NSL1: variants seen among roughly 807,000 people sequenced by gnomAD.
The protein encoded by NSL1 is kinetochore-associated protein NSL1 homolog.
A neutral mutation model predicts 25.4 loss-of-function variants in NSL1; 11 were observed. That is an observed-to-expected ratio of 0.43 (90% CI 0.27 to 0.72). The LOEUF is 0.72. Among genes scored for constraint, NSL1 ranks in the 30% least tolerant of loss-of-function variants. The pLI is 0.19. For missense variants in NSL1, 330 were observed against 342.7 expected, an observed-to-expected ratio of 0.96 and a Z score of 0.29; for synonymous variants, 118 against 120.6, an observed-to-expected ratio of 0.98 and a Z score of 0.14.
intron 4 of NSL1, among the ~76,000 whole-genome samples, chr1:212,740,272 T>C (rs1262578829): frequency 2.0e-5 from 3 of 152,212 alleles, no homozygotes; most frequent in African/African-American, 7.2e-5. Context: ...GAGGGCCACA[T>C]TTTCACTGGC....
chr1:212,732,540 T>G lies in NSL1; in HGVS notation c.*5868A>C. 1 of 760,122 alleles carries G rather than the reference T, an allele frequency of 1.3e-6. No individual in the cohort carries two copies. Among genetic ancestry groups the G allele is most frequent in the Non-Finnish European group, 1.6e-6 (1 of 624,108 alleles). 47.1% of individuals were successfully genotyped at this position (760,122 alleles called of 1,614,324 possible). ...AATTCCCAGCCTCAGGTGATCTGCC[T>G]GTCTCGGCCTCCCAAGGTGCTGGGA... On this transcript the variant is annotated 3_prime_UTR_variant, in exon 6 of 6. Coordinates refer to ENST00000366977, the MANE Select transcript of NSL1 (RefSeq NM_015471.4).
intron 1 of NSL1, among the ~76,000 whole-genome samples, chr1:212,788,287 C>T (rs996991551): frequency 2.0e-5 from 3 of 152,182 alleles, no homozygotes; most frequent in African/African-American, 7.2e-5. Flanking sequence ...GTGGCACATG[C>T]CTGTAGTCCC....
At chr1:212,755,991 T>C (rs55787749) in intron 4 of NSL1, among the ~76,000 whole-genome samples, 2,407 of 152,324 alleles carry the variant, frequency 0.016, 57 homozygotes, top group African/African-American at 0.052. Context: ...TGCATATTTA[T>C]TCCTGTAACA....
chr1:212,754,899 T>A (rs1165129370), intron 4 of NSL1, among the ~76,000 whole-genome samples: 1 of 151,336 alleles, frequency 6.6e-6, no homozygotes, highest in African/African-American at 2.4e-5. Flanking sequence ...CCTGGACCAA[T>A]CTCCAGTGTC....
intron 4 of NSL1, among the ~76,000 whole-genome samples, chr1:212,758,946 T>C (rs1029056141): frequency 1.3e-5 from 2 of 152,190 alleles, no homozygotes; most frequent in Admixed American, 6.5e-5. Context: ...CAAAGATCAA[T>C]GAAACAGAAT....
rs1658167941 is a variant in NSL1, at chr1:212,734,750, A to G, written c.*3658T>C. ...TGATTATTTGCCTAAAACATTCAAGACTGCTCAAATGCCACCTCTTCTACA... is the reference window on the plus strand; with the variant it reads ...TGATTATTTGCCTAAAACATTCAAGGCTGCTCAAATGCCACCTCTTCTACA... On this transcript the variant is annotated 3_prime_UTR_variant, in exon 6 of 6. Transcript: ENST00000366977. Among the ~76,000 whole-genome samples, 2 of 152,174 alleles carry G rather than the reference A, an allele frequency of 1.3e-5. No individual in the cohort carries two copies. Among genetic ancestry groups the G allele is most frequent in the East Asian group, 3.8e-4 (2 of 5,200 alleles).
Position 212,729,241 on chromosome 1 carries a change from T to A in NSL1, c.*9167A>T. 1 of 985,446 alleles carries A rather than the reference T, an allele frequency of 1.0e-6. No individual in the cohort carries two copies. Among genetic ancestry groups the A allele is most frequent in the Non-Finnish European group, 1.2e-6 (1 of 829,936 alleles). 61.0% of individuals were successfully genotyped at this position (985,446 alleles called of 1,614,324 possible). ...TCCCTCTAGGAGCAGAAGTGCAGGT[T>A]TGCTTGGGCTCCTAGCCTCTCCCTC... On this transcript the variant is annotated 3_prime_UTR_variant, in exon 6 of 6. Coordinates refer to ENST00000366977, the MANE Select transcript of NSL1 (RefSeq NM_015471.4).
intron 4 of NSL1, among the ~76,000 whole-genome samples, chr1:212,747,624 C>G (rs1463854229): frequency 3.9e-5 from 6 of 152,176 alleles, no homozygotes; most frequent in Non-Finnish European, 8.8e-5. Flanking sequence ...AGAGATAACA[C>G]ATTTATTGTT....
intron 4 of NSL1, among the ~76,000 whole-genome samples, chr1:212,764,718 C>A (rs747536550): frequency 2.6e-5 from 4 of 151,254 alleles, no homozygotes; most frequent in African/African-American, 4.9e-5. Context: ...TGGTGGCAGG[C>A]GCCTGTAATC....
At position 212,762,594 on chromosome 1, in the gene NSL1, T is replaced by C. The variant is rs769152528; in HGVS notation, c.499+19778A>G. The stretch of plus-strand genomic sequence containing the variant: ...AAACCCTCTGAAAGAAGCAGCAGGC[T>C]GGAGCCTACTGCATGAGACAGGTGA... On this transcript the variant is annotated intron_variant, in intron 4 of 5. Coordinates refer to ENST00000366977, the MANE Select transcript of NSL1 (RefSeq NM_015471.4). Among the ~76,000 whole-genome samples, 133 of 152,244 alleles carry C rather than the reference T, an allele frequency of 8.7e-4. 1 individual carries two copies. Among genetic ancestry groups the C allele is most frequent in the Non-Finnish European group, 1.6e-3 (108 of 68,020 alleles).
intron 4 of NSL1, among the ~76,000 whole-genome samples, chr1:212,761,357 C>T (rs1260979682): frequency 6.6e-6 from 1 of 152,162 alleles, no homozygotes; most frequent in East Asian, 1.9e-4. Context: ...CGAGACCAGC[C>T]TGGGCAACGT....
chr1:212,747,243 A>G (rs1428310847), intron 4 of NSL1, among the ~76,000 whole-genome samples: 10 of 152,202 alleles, frequency 6.6e-5, no homozygotes, highest in Non-Finnish European at 1.5e-4. Context: ...ACCAGTAACT[A>G]ACAGCTCAAG....
Position 212,728,594 on chromosome 1 carries a change from G to A in NSL1, c.*9814C>T. 1 of 985,426 alleles carries A rather than the reference G, an allele frequency of 1.0e-6. No homozygotes were observed. The highest frequency in any genetic ancestry group is 1.7e-5 in the African/African-American group (1 of 57,356). The allele number at this position is 985,426 out of a possible 1,614,324, so 61.0% of individuals were successfully genotyped here. A position where few individuals can be genotyped will look rare whatever the true frequency, so the allele number is the denominator to read the frequency against. ...ATAGAAATGAGAAAAGGAGTTTTAT[G>A]TTAGGAAAAAAATGGTTTCTGAGAA... On this transcript the variant is annotated 3_prime_UTR_variant, in exon 6 of 6. Transcript: ENST00000366977.
At chr1:212,769,157 T>C (rs1436326856) in intron 4 of NSL1, among the ~76,000 whole-genome samples, 2 of 151,736 alleles carry the variant, frequency 1.3e-5, no homozygotes, top group East Asian at 1.9e-4. Flanking sequence ...TTGGGTGTTG[T>C]AGAGGGAGAA....
chr1:212,791,166 C>A (rs1161137498), intron 1 of NSL1, among the ~76,000 whole-genome samples: 1 of 152,024 alleles, frequency 6.6e-6, no homozygotes, highest in Non-Finnish European at 1.5e-5. Flanking sequence ...TTAGTACGAA[C>A]AAAAGAATGT....
rs1658247326 is a variant in NSL1, at chr1:212,736,733, G to A, written c.*1675C>T. 1 of 984,252 alleles carries A rather than the reference G, an allele frequency of 1.0e-6. No individual in the cohort carries two copies. Among genetic ancestry groups the A allele is most frequent in the African/African-American group, 1.7e-5 (1 of 57,312 alleles). 61.0% of individuals were successfully genotyped at this position (984,252 alleles called of 1,614,324 possible). ...TTATAAAAATTTCCAACACAAAGTA[G>A]AATATAGTCATTACACAGATTCAAC... On this transcript the variant is annotated 3_prime_UTR_variant, in exon 6 of 6. Coordinates refer to ENST00000366977, the MANE Select transcript of NSL1 (RefSeq NM_015471.4).
intron 4 of NSL1, among the ~76,000 whole-genome samples, chr1:212,749,339 G>GTTTTTTTTTTTTTT (rs10717383): frequency 3.9e-5 from 3 of 76,952 alleles, no homozygotes; most frequent in African/African-American, 9.2e-5. Context: ...GTTTTATTGT[G>GTTTTTTTTTTTTTT]TTTTTTTTTT....
In NSL1 at chr1:212,738,307, T is replaced by C. The variant is rs751650826; in HGVS notation, c.*101A>G. ...TATAAATGAATCACTAGTAAAAGAG[T>C]TATTTCTTATTTCAAATGAAGTCTT... On this transcript the variant is annotated 3_prime_UTR_variant, in exon 6 of 6. Transcript: ENST00000366977. 291 of 1,499,804 alleles carry C rather than the reference T, an allele frequency of 1.9e-4. No homozygotes were observed. The highest frequency in any genetic ancestry group is 2.5e-4 in the Non-Finnish European group (281 of 1,129,414). 92.9% of individuals were successfully genotyped at this position (1,499,804 alleles called of 1,614,324 possible).
chr1:212,787,636 G>T lies in NSL1; in HGVS notation c.236C>A (p.Thr79Asn). ...ATTCTCTTGCACAGCTGATTCAAAA[G>T]TCTGCAATAAATTCACAGTAGTCAA... ...REPALRDAQWTFESAVQENIS... is the reference protein window; with the variant it reads ...REPALRDAQWNFESAVQENIS... The change falls in exon 2 of 6, where the codon ACT becomes AAT. Residue 79 changes from threonine (T) to asparagine (N), a missense_variant and splice_region_variant. Physicochemically the swap from Thr to Asn is moderately conservative, Grantham distance 65. Transcript: ENST00000366977. The T allele has an allele frequency of 6.3e-7, 1 of 1,591,084 alleles. No individual in the cohort carries two copies. Among genetic ancestry groups the T allele is most frequent in the Non-Finnish European group, 8.5e-7 (1 of 1,169,832 alleles).
Sources: gnomAD v4.1 joint callset for allele counts (sites outside exome capture counted in the v4.1 genomes callset) on GRCh38, gnomAD v4.1.1 for gene constraint, MANE v1.5 for transcripts, NCBI Gene and HGNC (gene_info 2026-07-23, HGNC 2026-07-21) for gene names.